Variants in TRIM33 observed in about 807,000 individuals in gnomAD.
The protein encoded by TRIM33 is tripartite motif containing 33, also known as E3 ubiquitin-protein ligase TRIM33.
In TRIM33, 20 loss-of-function variants were observed where a neutral mutation model predicts 125.4. The observed-to-expected ratio is 0.16, with a 90% CI of 0.11 to 0.23. The LOEUF (loss-of-function observed/expected upper bound fraction) is 0.23. Among genes scored for constraint, TRIM33 ranks in the 10% least tolerant of loss-of-function variants. The probability of loss-of-function intolerance (pLI) is 1.00; values close to 1 mark genes in which losing one functional copy is unlikely to be tolerated. For synonymous variants in TRIM33, 564 were observed against 513.9 expected (o/e 1.10, Z -1.32); for missense variants, 920 against 1,411.4 (o/e 0.65, Z 5.58).
chr1:114,454,089 T>C (rs1422045596), intron 4 of TRIM33, among the ~76,000 whole-genome samples: 2 of 152,224 alleles, frequency 1.3e-5, no homozygotes, highest in African/African-American at 2.4e-5. Flanking sequence ...GGAATCTTGA[T>C]CTTACAAGTG....
intron 1 of TRIM33, among the ~76,000 whole-genome samples, chr1:114,497,390 G>A (rs1652435456): frequency 6.6e-6 from 1 of 152,028 alleles, no homozygotes; most frequent in Non-Finnish European, 1.5e-5. Flanking sequence ...TCTGCCTCCC[G>A]GGTTCAAGAG....
intron 1 of TRIM33, among the ~76,000 whole-genome samples, chr1:114,509,398 A>G (rs1653202672): frequency 2.0e-5 from 3 of 152,354 alleles, no homozygotes; most frequent in Admixed American, 6.5e-5. Flanking sequence ...ACGTGTTTCA[A>G]TGTAGAAACA....
intron 11 of TRIM33, among the ~76,000 whole-genome samples, chr1:114,410,729 C>T (rs1226489108): frequency 6.6e-6 from 1 of 151,930 alleles, no homozygotes; most frequent in African/African-American, 2.4e-5. Context: ...CTGAAAAATT[C>T]TTATAGCCCA....
chr1:114,456,515 CA>C (rs1441978632), intron 4 of TRIM33, among the ~76,000 whole-genome samples: 1 of 152,020 alleles, frequency 6.6e-6, no homozygotes, highest in East Asian at 1.9e-4. Flanking sequence ...CTCAACAGTA[CA>C]AAAAACATAT....
chr1:114,453,886 G>A (rs187862679), intron 4 of TRIM33, among the ~76,000 whole-genome samples: 13 of 152,304 alleles, frequency 8.5e-5, no homozygotes, highest in Admixed American at 5.2e-4. Flanking sequence ...TGTTTATGAT[G>A]TCCATGGCTC....
intron 11 of TRIM33, among the ~76,000 whole-genome samples, chr1:114,419,200 C>CAAAA (rs35757503): frequency 5.1e-3 from 258 of 50,594 alleles, no homozygotes; most frequent in Middle Eastern, 8.8e-3. Context: ...GACACCATCT[C>CAAAA]AAAAAAAAAA....
At chr1:114,495,271 C>T (rs1652305732) in intron 1 of TRIM33, among the ~76,000 whole-genome samples, 1 of 152,038 alleles carries the variant, frequency 6.6e-6, no homozygotes, top group Non-Finnish European at 1.5e-5. Context: ...CTCTCAATGT[C>T]TTATACTAGT....
intron 4 of TRIM33, among the ~76,000 whole-genome samples, chr1:114,436,850 T>C (rs574060018): frequency 4.6e-5 from 7 of 152,324 alleles, no homozygotes; most frequent in Non-Finnish European, 1.0e-4. Flanking sequence ...TTATCCCACA[T>C]ACTATGATTT....
At chr1:114,478,469 A>G (rs1433105017) in intron 1 of TRIM33, among the ~76,000 whole-genome samples, 1 of 152,206 alleles carries the variant, frequency 6.6e-6, no homozygotes, top group African/African-American at 2.4e-5. Flanking sequence ...GGAAGGGCTA[A>G]GATCAACTCT....
At chr1:114,487,882 C>T (rs1200952119) in intron 1 of TRIM33, among the ~76,000 whole-genome samples, 16 of 114,742 alleles carry the variant, frequency 1.4e-4, no homozygotes, top group East Asian at 7.4e-4. Flanking sequence ...CCGGCCTGGG[C>T]GACAGAGCGA....
chr1:114,488,696 A>G (rs1433067017), intron 1 of TRIM33, among the ~76,000 whole-genome samples: 1 of 152,036 alleles, frequency 6.6e-6, no homozygotes, highest in African/African-American at 2.4e-5. Context: ...CCAGGAGGTC[A>G]AGACTGCAGT....
chr1:114,414,178 ATTT>A (rs1195688336), intron 11 of TRIM33, among the ~76,000 whole-genome samples: 1 of 151,970 alleles, frequency 6.6e-6, no homozygotes, highest in African/African-American at 2.4e-5. Flanking sequence ...GTAGACAACT[ATTT>A]TTGTTTTTTT....
chr1:114,406,519 A>T (rs116709266), intron 14 of TRIM33, among the ~76,000 whole-genome samples: 3,910 of 152,284 alleles, frequency 0.026, 86 homozygotes, highest in Non-Finnish European at 0.034. Flanking sequence ...CAAAAGACAA[A>T]CTTCCTATCA....
At chr1:114,466,070 T>C (rs2101399961) in intron 1 of TRIM33, among the ~76,000 whole-genome samples, 1 of 151,286 alleles carries the variant, frequency 6.6e-6, no homozygotes, top group East Asian at 1.9e-4. Flanking sequence ...TAAAAAGATC[T>C]TGGTAAAAGG....
At position 114,398,913 on chromosome 1, in the gene TRIM33, A is replaced by C. The variant is rs539066262; in HGVS notation, c.3120+544T>G. Among the ~76,000 whole-genome samples the C allele has an allele frequency of 1.4e-4, 19 of 138,792 alleles. 1 individual carries two copies. Among genetic ancestry groups the C allele is most frequent in the Admixed American group, 1.0e-3 (15 of 14,446 alleles). 91.1% of individuals were successfully genotyped at this position (138,792 alleles called of 152,430 possible). Reference sequence around the variant, plus strand: ...AACTTACCCTCAAAAAAAAAAAAAAAAACAAAACAAAACAAAACAAAAAAC... The same window carrying C: ...AACTTACCCTCAAAAAAAAAAAAAACAACAAAACAAAACAAAACAAAAAAC... On this transcript the variant is annotated intron_variant, in intron 18 of 19. Coordinates refer to ENST00000358465, the MANE Select transcript of TRIM33 (RefSeq NM_015906.4).
intron 11 of TRIM33, chr1:114,420,327 C>A: frequency 9.3e-7 from 1 of 1,080,938 alleles, no homozygotes; most frequent in South Asian, 1.3e-5. Flanking sequence ...ATCCTTTTCT[C>A]AGCCCAACTG....
chr1:114,461,192 C>G (rs574467849), intron 4 of TRIM33, among the ~76,000 whole-genome samples: 1 of 139,768 alleles, frequency 7.2e-6, no homozygotes, highest in East Asian at 2.0e-4. Flanking sequence ...GCCTGGGTGA[C>G]AGAGCAAGAA....
At chr1:114,421,372 T>C in intron 11 of TRIM33, 64 bp downstream of exon 11, 1 of 1,413,456 alleles carries the variant, frequency 7.1e-7, no homozygotes, top group African/African-American at 1.4e-5. Flanking sequence ...AACTCTGAAA[T>C]AAATACTCTA....
At chr1:114,457,909 G>A (rs182288311) in intron 4 of TRIM33, among the ~76,000 whole-genome samples, 18 of 152,270 alleles carry the variant, frequency 1.2e-4, no homozygotes, top group Non-Finnish European at 2.5e-4. Context: ...GGACTGTTTC[G>A]TAACTTTGAA....
Sources: allele counts gnomAD v4.1 joint callset (sites outside exome capture counted in the v4.1 genomes callset), GRCh38; gene constraint gnomAD v4.1.1; transcripts MANE v1.5; gene names NCBI Gene and HGNC (gene_info 2026-07-23, HGNC 2026-07-21).